BLM: variants seen among roughly 807,000 people sequenced by gnomAD.
The protein encoded by BLM is recQ-like DNA helicase BLM.
A neutral mutation model predicts 135.3 loss-of-function variants in BLM; 95 were observed. The ratio of observed to expected loss-of-function variants is 0.70; its 90% CI spans 0.59 to 0.83. The LOEUF (loss-of-function observed/expected upper bound fraction) is 0.83, where lower values mean the gene tolerates loss of function less well. BLM is among the 40% of genes least tolerant of loss of function. The pLI is 0.00. For missense variants in BLM, 1,518 were observed against 1,663.9 expected, an observed-to-expected ratio of 0.91 and a Z score of 1.53; for synonymous variants, 520 against 589.2, an observed-to-expected ratio of 0.88 and a Z score of 1.70.
At chr15:90,754,624 G>A (rs941832195) in intron 4 of BLM, among the ~76,000 whole-genome samples, 187 bp from the exon 5 acceptor site, 3 of 152,104 alleles carry the variant, frequency 2.0e-5, no homozygotes, top group Non-Finnish European at 2.9e-5. Context: ...TGTTGAAAAG[G>A]GCTCTTTCTG....
chr15:90,756,570 CTG>C (rs906118927), intron 5 of BLM, among the ~76,000 whole-genome samples: 10 of 152,158 alleles, frequency 6.6e-5, no homozygotes, highest in Non-Finnish European at 1.3e-4. Flanking sequence ...TATACTGTCT[CTG>C]TATCATTAAG....
chr15:90,774,943 A>G (rs1252567145), intron 12 of BLM, among the ~76,000 whole-genome samples: 2 of 148,248 alleles, frequency 1.3e-5, no homozygotes, highest in African/African-American at 2.6e-5. Context: ...GCATATAACG[A>G]TGGTAAAATG....
At chr15:90,798,661 G>A (rs1897090348) in intron 17 of BLM, among the ~76,000 whole-genome samples, 1 of 148,860 alleles carries the variant, frequency 6.7e-6, no homozygotes, top group African/African-American at 2.5e-5. Flanking sequence ...GAATAGGAGA[G>A]AGACTATTAT....
chr15:90,742,557 T>TC (rs1231423538), intron 1 of BLM, among the ~76,000 whole-genome samples: 1 of 152,154 alleles, frequency 6.6e-6, no homozygotes, highest in Non-Finnish European at 1.5e-5. Flanking sequence ...GAAAAGGCAC[T>TC]CTTTTTTTCT....
intron 12 of BLM, among the ~76,000 whole-genome samples, chr15:90,781,634 T>A (rs943723664): frequency 6.6e-6 from 1 of 151,882 alleles, no homozygotes; most frequent in Non-Finnish European, 1.5e-5. Context: ...CTCAAAAAAA[T>A]AATAATACAC....
At chr15:90,773,939 A>G (rs188124124) in intron 12 of BLM, among the ~76,000 whole-genome samples, 7 of 152,082 alleles carry the variant, frequency 4.6e-5, no homozygotes, top group African/African-American at 1.7e-4. Flanking sequence ...TGCTGCTGTG[A>G]ACATTTGTGT....
At chr15:90,807,122 A>G (rs1023810905) in intron 19 of BLM, among the ~76,000 whole-genome samples, 3 of 152,198 alleles carry the variant, frequency 2.0e-5, no homozygotes, top group African/African-American at 4.8e-5. Flanking sequence ...CATTCTCATT[A>G]GCCATAAGGC....
chr15:90,734,054 A>G (rs1436807333), intron 1 of BLM, among the ~76,000 whole-genome samples: 1 of 152,174 alleles, frequency 6.6e-6, no homozygotes, highest in Non-Finnish European at 1.5e-5. Context: ...TAAATAAAAT[A>G]CTACCAAACA....
intron 17 of BLM, among the ~76,000 whole-genome samples, chr15:90,800,634 C>G (rs1426491014): frequency 6.6e-6 from 1 of 151,626 alleles, no homozygotes. Context: ...GAGCCAAGAT[C>G]GTGCCATTGC....
Position 90,760,586 on chromosome 15 carries a change from C to G in BLM, c.1221-8C>G. 1 of 1,606,234 alleles carries G rather than the reference C, an allele frequency of 6.2e-7. No individual in the cohort carries two copies. The highest frequency in any genetic ancestry group is 8.5e-7 in the Non-Finnish European group (1 of 1,175,794). On this transcript the variant is annotated splice_region_variant and splice_polypyrimidine_tract_variant and intron_variant, in intron 6 of 21. Coordinates refer to ENST00000355112, the MANE Select transcript of BLM (RefSeq NM_000057.4). Reference sequence around the variant, plus strand: ...TATTTAATACGTTGTTCTCTTTTCTCTCTTCAGAAGGAAACTTCTAACGGA... The same window carrying G: ...TATTTAATACGTTGTTCTCTTTTCTGTCTTCAGAAGGAAACTTCTAACGGA...
Position 90,779,026 on chromosome 15 carries a change from C to T in BLM, c.2556-3796C>T, listed in dbSNP as rs554587250. ...TCAGCTTCCTGAGTAGCTGAGACTACAGGTGTGCGCCACCACGCCCAGCTA... is the reference window on the plus strand; with the variant it reads ...TCAGCTTCCTGAGTAGCTGAGACTATAGGTGTGCGCCACCACGCCCAGCTA... On this transcript the variant is annotated intron_variant, in intron 12 of 21. Transcript: ENST00000355112. Among the ~76,000 whole-genome samples the T allele has an allele frequency of 4.7e-4, 71 of 152,120 alleles. No homozygotes were observed. The Middle Eastern group carries it at 0.017, about 36-fold the overall frequency.
At position 90,747,468 on chromosome 15, in the gene BLM, A is replaced by G; in HGVS notation, c.76A>G (p.Ser26Gly). 1 of 1,608,256 alleles carries G rather than the reference A, an allele frequency of 6.2e-7. No homozygotes were observed. Among genetic ancestry groups the G allele is most frequent in the Non-Finnish European group, 8.5e-7 (1 of 1,176,294 alleles). Residue 26 changes from serine (S) to glycine (G), a missense_variant, in exon 2 of 22, where the codon AGT becomes GGT. By Grantham distance (56) the Ser-to-Gly change is moderately conservative. This residue lies in a region of BLM where 724 missense variants were observed against 756.9 expected (regional missense o/e 0.96). Transcript: ENST00000355112. ...HSARTLNNKL[S>G]LSKPKFSGFT... ...AGCCAGAACACTTAATAATAAATTA[A>G]GTCTTTCAAAACCAAAATTTTCGTA... is the stretch of plus-strand genomic sequence containing the variant.
At position 90,816,080 on chromosome 15, in the gene BLM, C is replaced by CAAAAAAAAAAA. The variant is rs34940723; in HGVS notation, c.*810_*820dup. 1 of 96,522 alleles carries CAAAAAAAAAAA rather than the reference C, an allele frequency of 1.0e-5. No homozygotes were observed. The highest frequency in any genetic ancestry group is 2.1e-5 in the Non-Finnish European group (1 of 47,568). 6.0% of individuals were successfully genotyped at this position (96,522 alleles called of 1,614,324 possible). ...TGGGTGACAGAGCAAGACTCCGTCT[C>CAAAAAAAAAAA]AAAAAAAAAAAAAAAAAAAGAAATA... On this transcript the variant is annotated 3_prime_UTR_variant, in exon 22 of 22. Transcript: ENST00000355112.
In BLM at chr15:90,751,860, T is replaced by C. The variant is rs1006578287; in HGVS notation, c.873T>C (p.Phe291=). The C allele has an allele frequency of 6.2e-7, 1 of 1,611,656 alleles. No homozygotes were observed. Among genetic ancestry groups the C allele is most frequent in the Non-Finnish European group, 8.5e-7 (1 of 1,177,868 alleles). ...CTGAGAAAGTTCCATGTATTGAATT[T>C]GATGATGATGATTATGATACGGATT... ...HSTEKVPCIE[F]DDDDYDTDFV... The change falls in exon 4 of 22, where the codon TTT becomes TTC. Residue 291 remains phenylalanine, a synonymous_variant. Coordinates refer to ENST00000355112, the MANE Select transcript of BLM (RefSeq NM_000057.4).
In BLM at chr15:90,760,452, G is replaced by A. The variant is rs557675694; in HGVS notation, c.1221-142G>A. The A allele has an allele frequency of 7.3e-5, 89 of 1,217,868 alleles. 1 individual carries two copies. Among genetic ancestry groups the A allele is most frequent in the South Asian group, 6.5e-4 (49 of 75,504 alleles). 75.4% of individuals were successfully genotyped at this position (1,217,868 alleles called of 1,614,324 possible). A position where few individuals can be genotyped will look rare whatever the true frequency, so the allele number is the denominator to read the frequency against. ...TTTTCAAACCACTCCTTTAACATTC[G>A]TATTCATGTTTTTAAGATTGGGAAA... On this transcript the variant is annotated intron_variant, in intron 6 of 21. Transcript: ENST00000355112.
chr15:90,770,220 C>T (rs1896272548), intron 12 of BLM, among the ~76,000 whole-genome samples: 1 of 134,796 alleles, frequency 7.4e-6, no homozygotes, highest in Non-Finnish European at 1.6e-5. Context: ...GTCGCCCAGG[C>T]TGGAGTGCAG....
At position 90,727,418 on chromosome 15, in the gene BLM, G is replaced by T. The variant is rs1222661956; in HGVS notation, c.-5+9978G>T. On this transcript the variant is annotated intron_variant, in intron 1 of 21. Coordinates refer to ENST00000355112, the MANE Select transcript of BLM (RefSeq NM_000057.4). Reference sequence around the variant, plus strand: ...ACTTGTACGTGAATGAGCTAATATAGTAGGCCTGAAACTGTTACCTTCAGA... The same window carrying T: ...ACTTGTACGTGAATGAGCTAATATATTAGGCCTGAAACTGTTACCTTCAGA... Among the ~76,000 whole-genome samples the T allele has an allele frequency of 2.0e-5, 3 of 152,118 alleles. No individual in the cohort carries two copies. In the East Asian group the frequency reaches 5.8e-4, roughly 29 times the overall value.
intron 13 of BLM, among the ~76,000 whole-genome samples, chr15:90,784,334 T>TC (rs1397877674): frequency 7.6e-6 from 1 of 130,934 alleles, no homozygotes; most frequent in Non-Finnish European, 1.6e-5. Context: ...TTTCTTTTTT[T>TC]TTTTTTTTTT....
chr15:90,763,039 A>G lies in BLM; in HGVS notation c.1956A>G (p.Thr652=), dbSNP rs1567042229. The stretch of plus-strand genomic sequence containing the variant: ...TCCAAAGTCTTAGTTTTCCTCATAC[A>G]AAGGAAATGATGAAGATTTTTCATA... ...ERFQSLSFPH[T]KEMMKIFHKK... is the part of the protein sequence containing the mutation. The change falls in exon 8 of 22, where the codon ACA becomes ACG. Residue 652 remains threonine, a synonymous_variant. Transcript: ENST00000355112. The G allele has an allele frequency of 2.5e-6, 4 of 1,613,980 alleles. No individual in the cohort carries two copies. The highest frequency in any genetic ancestry group is 3.4e-6 in the Non-Finnish European group (4 of 1,179,966).
Sources: allele counts gnomAD v4.1 joint callset (sites outside exome capture counted in the v4.1 genomes callset), GRCh38; gene constraint gnomAD v4.1.1; regional missense constraint gnomAD v4.1.1; transcripts MANE v1.5; gene names NCBI Gene and HGNC (gene_info 2026-07-23, HGNC 2026-07-21).